BAIAP2L1: variants seen among roughly 807,000 people sequenced by gnomAD.
BAIAP2L1 encodes the protein BAR/IMD domain containing adaptor protein 2 like 1, also known as BAR/IMD domain-containing adapter protein 2-like 1.
BAIAP2L1 carries 35 observed loss-of-function variants against 66.3 expected under a neutral mutation model. That is an observed-to-expected ratio of 0.53 (90% CI 0.40 to 0.70). The LOEUF (loss-of-function observed/expected upper bound fraction) is 0.70. Ranked by LOEUF, BAIAP2L1 falls within the 30% of genes least tolerant of loss-of-function variation. The pLI is 0.00. For missense variants in BAIAP2L1, 622 were observed against 656.9 expected (o/e 0.95, Z 0.58); for synonymous variants, 269 against 248.7 (o/e 1.08, Z -0.77).
intron 1 of BAIAP2L1, among the ~76,000 whole-genome samples, chr7:98,377,899 G>A (rs374565996): frequency 1.3e-4 from 20 of 149,758 alleles, no homozygotes; most frequent in African/African-American, 2.2e-4. Context: ...AGGCCGAGAC[G>A]GGCGGATCAC....
At chr7:98,335,489 G>GT (rs1182311103) in intron 3 of BAIAP2L1, among the ~76,000 whole-genome samples, 1 of 152,132 alleles carries the variant, frequency 6.6e-6, no homozygotes, top group Non-Finnish European at 1.5e-5. Flanking sequence ...TGCGTTGCAG[G>GT]TATCTTGAAG....
chr7:98,308,660 A>AG (rs1481314099), intron 9 of BAIAP2L1: 2 of 232,066 alleles, frequency 8.6e-6, no homozygotes, highest in African/African-American at 2.2e-5. Context: ...GAAAAAAGGT[A>AG]GAAAAAAATA....
chr7:98,363,027 C>CTTTTTTTTTT (rs71537235), intron 1 of BAIAP2L1, among the ~76,000 whole-genome samples: 10 of 75,604 alleles, frequency 1.3e-4, no homozygotes, highest in African/African-American at 3.2e-4. Flanking sequence ...GGCATTTTTT[C>CTTTTTTTTTT]TTTTTTTTTT....
intron 11 of BAIAP2L1, among the ~76,000 whole-genome samples, chr7:98,306,090 A>T (rs1020617697): frequency 1.3e-5 from 2 of 152,190 alleles, no homozygotes; most frequent in Non-Finnish European, 2.9e-5. Flanking sequence ...AGCATACAAC[A>T]GCGTTAAGGG....
At chr7:98,317,087 A>G (rs916448369) in intron 6 of BAIAP2L1, 132 bp downstream of exon 6, 1 of 1,162,640 alleles carries the variant, frequency 8.6e-7, no homozygotes, top group Non-Finnish European at 1.2e-6. Flanking sequence ...TCCTGACCTC[A>G]TATGATCCTA....
At chr7:98,345,640 G>A (rs1163458305) in intron 3 of BAIAP2L1, among the ~76,000 whole-genome samples, 2 of 151,942 alleles carry the variant, frequency 1.3e-5, no homozygotes, top group Non-Finnish European at 2.9e-5. Flanking sequence ...GACGAGAATC[G>A]CTTCAACCTG....
chr7:98,353,203 T>C (rs1204038405), intron 3 of BAIAP2L1, among the ~76,000 whole-genome samples: 1 of 150,976 alleles, frequency 6.6e-6, no homozygotes. Flanking sequence ...GTCTATTAAA[T>C]ATAGCAGTAC....
chr7:98,355,473 C>T (rs1802097449), intron 2 of BAIAP2L1: 1 of 239,638 alleles, frequency 4.2e-6, no homozygotes, highest in East Asian at 8.0e-5. Context: ...CGGTGGCTCA[C>T]ACCTGTAATC....
chr7:98,319,548 CT>C (rs35466813), intron 5 of BAIAP2L1, among the ~76,000 whole-genome samples: 287 of 138,460 alleles, frequency 2.1e-3, no homozygotes, highest in African/African-American at 2.7e-3. Flanking sequence ...TTTCCTATGC[CT>C]TTTTTTTTTT....
chr7:98,301,601 G>C (rs1050005984), intron 12 of BAIAP2L1, among the ~76,000 whole-genome samples: 4 of 152,052 alleles, frequency 2.6e-5, no homozygotes, highest in African/African-American at 9.7e-5. Context: ...ACAGGCGTGA[G>C]CCACCGTGCC....
Position 98,308,182 on chromosome 7 carries a change from T to C in BAIAP2L1, c.956-286A>G, listed in dbSNP as rs77995324. On this transcript the variant is annotated intron_variant, in intron 9 of 13. Coordinates refer to ENST00000005260, the MANE Select transcript of BAIAP2L1 (RefSeq NM_018842.5). ...CAAGGACAAGGCGGTGTGTGCCGGGTTGATCTGCACTGCTTTAGCCAGGAT... is the reference window on the plus strand; with the variant it reads ...CAAGGACAAGGCGGTGTGTGCCGGGCTGATCTGCACTGCTTTAGCCAGGAT... 31 of 579,488 alleles carry C rather than the reference T, an allele frequency of 5.3e-5. No homozygotes were observed. The Admixed American group carries it at 5.6e-4, about 11-fold the overall frequency. 35.9% of individuals were successfully genotyped at this position (579,488 alleles called of 1,614,324 possible).
Position 98,294,063 on chromosome 7 carries a change from GC to G in BAIAP2L1, c.1460+10del. 1.2e-6 allele frequency: 2 copies of G among 1,613,706 alleles called. No individual in the cohort carries two copies. The highest frequency in any genetic ancestry group is 8.5e-7 in the Non-Finnish European group (1 of 1,179,548). ...TCACACACTGAGGCTCACGTAGGAA[GC>G]CACGCCTACCTGAGAAAAGGCGGCT... On this transcript the variant is annotated intron_variant, in intron 13 of 13. Coordinates refer to ENST00000005260, the MANE Select transcript of BAIAP2L1 (RefSeq NM_018842.5).
At chr7:98,349,297 G>A (rs1201158697) in intron 3 of BAIAP2L1, among the ~76,000 whole-genome samples, 1 of 152,198 alleles carries the variant, frequency 6.6e-6, no homozygotes, top group African/African-American at 2.4e-5. Context: ...GAAGTGCCCG[G>A]CACGCGGTGG....
intron 3 of BAIAP2L1, among the ~76,000 whole-genome samples, chr7:98,336,998 C>T (rs1431065351): frequency 6.6e-6 from 1 of 152,210 alleles, no homozygotes; most frequent in Non-Finnish European, 1.5e-5. Flanking sequence ...GGAATAATCT[C>T]TCTTACCTGA....
chr7:98,357,043 ATATATATTTTTTTTT>A lies in BAIAP2L1; in HGVS notation c.128-1930_128-1916del, dbSNP rs1345309500. Among the ~76,000 whole-genome samples the A allele has an allele frequency of 2.0e-3, 34 of 16,762 alleles. 2 individuals carry two copies. Among genetic ancestry groups the A allele is most frequent in the African/African-American group, 7.2e-3 (34 of 4,700 alleles). The allele number at this position is 16,762 out of a possible 152,430, so 11.0% of individuals were successfully genotyped here. A position where few individuals can be genotyped will look rare whatever the true frequency, so the allele number is the denominator to read the frequency against. ...AAAATATATATATATATATATATAT[ATATATATTTTTTTTT>A]TTTTTTTTTTAAGAGTAGGGGTCTC... On this transcript the variant is annotated intron_variant, in intron 2 of 13. Coordinates refer to ENST00000005260, the MANE Select transcript of BAIAP2L1 (RefSeq NM_018842.5).
chr7:98,383,703 T>C (rs1802817548), intron 1 of BAIAP2L1, among the ~76,000 whole-genome samples: 1 of 152,240 alleles, frequency 6.6e-6, no homozygotes, highest in African/African-American at 2.4e-5. Flanking sequence ...AAGTAACATG[T>C]GAATGTGTGT....
At chr7:98,348,569 CAA>C (rs752966671) in intron 3 of BAIAP2L1, among the ~76,000 whole-genome samples, 8 of 109,816 alleles carry the variant, frequency 7.3e-5, no homozygotes, top group African/African-American at 1.2e-4. Flanking sequence ...TCTGCCTCCA[CAA>C]AAAAAAAAAA....
At chr7:98,351,073 C>T (rs1380528970) in intron 3 of BAIAP2L1, among the ~76,000 whole-genome samples, 2 of 152,106 alleles carry the variant, frequency 1.3e-5, no homozygotes, top group African/African-American at 4.8e-5. Flanking sequence ...GTTGGCCAGG[C>T]TAGGCTCGAA....
chr7:98,357,034 TATATATATATATATA>T (rs1802145471), intron 2 of BAIAP2L1, among the ~76,000 whole-genome samples: 1 of 15,754 alleles, frequency 6.3e-5, no homozygotes, highest in African/African-American at 2.5e-4. Flanking sequence ...TATATATATA[TATATATATATATATA>T]TTTTTTTTTT....
Sources: allele counts gnomAD v4.1 joint callset (sites outside exome capture counted in the v4.1 genomes callset), GRCh38; gene constraint gnomAD v4.1.1; transcripts MANE v1.5; gene names NCBI Gene and HGNC (gene_info 2026-07-23, HGNC 2026-07-21).